Variants in CDH26 observed in about 807,000 individuals in gnomAD.
CDH26 encodes cadherin-like protein 26.
Under a neutral mutation model 90.3 loss-of-function variants are expected in CDH26, and 83 were observed. The ratio of observed to expected loss-of-function variants is 0.92; its 90% CI spans 0.77 to 1.10. The LOEUF (loss-of-function observed/expected upper bound fraction) is 1.10. Among genes scored for constraint, CDH26 ranks in the 50% least tolerant of loss-of-function variants. The pLI is 0.00. For missense variants in CDH26, 1,013 were observed against 1,037.6 expected (o/e 0.98, Z 0.33); for synonymous variants, 397 against 396.3 (o/e 1.00, Z -0.02).
chr20:59,992,573 G>A lies in CDH26; in HGVS notation c.1426+53G>A, dbSNP rs994965726. On this transcript the variant is annotated intron_variant, in intron 10 of 17. Coordinates refer to ENST00000348616, the MANE Select transcript of CDH26 (RefSeq NM_177980.4). This position sits in a 1 kb window ranked among gnomAD's most constrained non-coding sequence, Gnocchi z 5.0. ...TAAAATGCTCATTCTTGCTTCCTGC[G>A]GGAAAATAACCCTGGTGAGCGTCTT... The A allele has an allele frequency of 1.6e-5, 25 of 1,591,104 alleles. No individual in the cohort carries two copies. Among genetic ancestry groups the A allele is most frequent in the African/African-American group, 6.7e-5 (5 of 74,430 alleles).
chr20:60,035,447 G>C (rs1283816087), downstream of CDH26, among the ~76,000 whole-genome samples: 2 of 152,116 alleles, frequency 1.3e-5, no homozygotes, highest in Admixed American at 1.3e-4. Context: ...ACTTAAAAAG[G>C]GTCTGTAATT....
Position 60,001,349 on chromosome 20 carries a change from G to A in CDH26, c.2104G>A (p.Glu702Lys), listed in dbSNP as rs758949641. Residue 702 changes from glutamate (E) to lysine (K), a missense_variant, in exon 15 of 18, where the codon GAG becomes AAG. Coordinates refer to ENST00000348616, the MANE Select transcript of CDH26 (RefSeq NM_177980.4). ...ATCAGCATTTTCCCTCTAGGATCTC[G>A]AGGAAGTGCCTCCATCTGCAGCGAG... ...AGPTQGVKDL[E>K]EVPPSAASQS... The A allele has an allele frequency of 3.7e-6, 6 of 1,613,830 alleles. No homozygotes were observed. The highest frequency in any genetic ancestry group is 4.2e-6 in the Non-Finnish European group (5 of 1,179,998).
intron 2 of CDH26, 92 bp from the exon 3 acceptor site, chr20:59,969,990 A>T: frequency 2.0e-6 from 3 of 1,522,736 alleles, no homozygotes; most frequent in Non-Finnish European, 2.6e-6. Flanking sequence ...AGGTGTCAGC[A>T]CAGGGCCTTT....
rs543548371 is a variant in CDH26 at position 59,964,438 on chromosome 20, GC to G, written c.70-4524del. Among the ~76,000 whole-genome samples the G allele has an allele frequency of 7.4e-3, 1,114 of 149,536 alleles. 19 individuals are homozygous for G. The highest frequency in any genetic ancestry group is 0.026 in the African/African-American group (1,052 of 40,522). On this transcript the variant is annotated intron_variant, in intron 1 of 17. Transcript: ENST00000348616. Reference sequence around the variant, plus strand: ...AACAAGCATCTAGAAAGAACCCCCCGCCCCCGACCCCAGGCCCACACCACCG... The same window carrying G: ...AACAAGCATCTAGAAAGAACCCCCCGCCCCGACCCCAGGCCCACACCACCG...
At chr20:59,997,184 T>C (rs867599790) in intron 13 of CDH26, among the ~76,000 whole-genome samples, 1 of 152,262 alleles carries the variant, frequency 6.6e-6, no homozygotes, top group Admixed American at 6.5e-5. Context: ...TTTTATTAAG[T>C]AGACGTTCCC....
intron 1 of CDH26, among the ~76,000 whole-genome samples, chr20:59,967,385 C>T (rs1360010964): frequency 6.6e-6 from 1 of 152,084 alleles, no homozygotes; most frequent in East Asian, 1.9e-4. Context: ...GACTGTATAA[C>T]AAGAAAAGGT....
chr20:59,967,813 ATTTCTTTCTTTCTTTC>A (rs1204879152), intron 1 of CDH26, among the ~76,000 whole-genome samples: 525 of 44,018 alleles, frequency 0.012, 10 homozygotes, highest in South Asian at 0.023. Flanking sequence ...TCCCTCCCTC[ATTTCTTTCTTTCTTTC>A]TTTCTTTCTT....
At chr20:60,022,675 C>T (rs2061967465) in intron 7 of CDH26, among the ~76,000 whole-genome samples, 1 of 152,202 alleles carries the variant, frequency 6.6e-6, no homozygotes, top group African/African-American at 2.4e-5. Flanking sequence ...TTCCTCTCAT[C>T]AGAGAGTTTT....
chr20:59,967,827 TTCTTTC>T (rs1288364632), intron 1 of CDH26, among the ~76,000 whole-genome samples: 3 of 66,736 alleles, frequency 4.5e-5, no homozygotes, highest in Non-Finnish European at 2.6e-5. Context: ...CTTTCTTTCT[TTCTTTC>T]TTTCTTTCTT....
chr20:59,995,870 A>G lies in CDH26; in HGVS notation c.1704A>G (p.Pro568=), dbSNP rs759210872. 5 of 1,614,128 alleles carry G rather than the reference A, an allele frequency of 3.1e-6. No individual in the cohort carries two copies. The African/African-American group carries it at 6.7e-5, about 22-fold the overall frequency. The change falls in exon 12 of 18, where the codon CCA becomes CCG. Residue 568 remains proline (P), a synonymous_variant. Coordinates refer to ENST00000348616, the MANE Select transcript of CDH26 (RefSeq NM_177980.4). Reference sequence around the variant, plus strand: ...AACTTTTAACCTTGAGAAGCCTGCCACGTGGTAATTACTTGGTGCCACTCT... The same window carrying G: ...AACTTTTAACCTTGAGAAGCCTGCCGCGTGGTAATTACTTGGTGCCACTCT... ...SVELLTLRSL[P]RGNYLVPLFI... is the part of the protein sequence containing the mutation.
rs2061649410 is a variant in CDH26 at position 59,999,634 on chromosome 20, G to A, written c.2068G>A (p.Ala690Thr). ...GQRPALLICT[A>T]AAGPTQGVKD... is the part of the protein sequence containing the mutation. Reference sequence around the variant, plus strand: ...GAGGCCGGCTCTGCTCATCTGCACAGCTGCAGCAGGACCCACGCAGGGAGT... The same window carrying A: ...GAGGCCGGCTCTGCTCATCTGCACAACTGCAGCAGGACCCACGCAGGGAGT... The change falls in exon 14 of 18, where the codon GCT becomes ACT. Residue 690 changes from alanine to threonine, a missense_variant. Physicochemically the swap from Ala to Thr is moderately conservative, Grantham distance 58. Transcript: ENST00000348616. 6.2e-7 allele frequency: 1 copy of A among 1,614,034 alleles called. No homozygotes were observed. Among genetic ancestry groups the A allele is most frequent in the African/African-American group, 1.3e-5 (1 of 74,932 alleles).
chr20:60,002,483 G>A (rs1038319519), intron 15 of CDH26, among the ~76,000 whole-genome samples: 9 of 151,990 alleles, frequency 5.9e-5, no homozygotes, highest in Non-Finnish European at 1.2e-4. Context: ...CTTGCACTGA[G>A]CCCTGAGAGT....
At chr20:59,971,841 A>C in intron 3 of CDH26, 121 bp from the exon 4 acceptor site, 2 of 692,456 alleles carry the variant, frequency 2.9e-6, no homozygotes, top group Non-Finnish European at 2.4e-6. Flanking sequence ...TCTTTGGCAG[A>C]TGTGCCATTG....
At chr20:60,002,039 C>T (rs1017998583) in intron 15 of CDH26, among the ~76,000 whole-genome samples, 2 of 152,036 alleles carry the variant, frequency 1.3e-5, no homozygotes, top group African/African-American at 2.4e-5. Flanking sequence ...TTATTTGGAC[C>T]TCACCAGTTT....
Position 59,985,380 on chromosome 20 carries a change from C to CG in CDH26, c.837+257dup, listed in dbSNP as rs1373198548. On this transcript the variant is annotated intron_variant, in intron 7 of 17. Transcript: ENST00000348616. ...GACGCCTATGATCATGGCGGAAGGA[C>CG]GGGGGGAGCAGGCATGTCACTCGGT... 6.6e-5 allele frequency among the ~76,000 whole-genome samples: 10 copies of CG among 152,042 alleles called. No homozygotes were observed. The South Asian group carries it at 2.1e-3, about 32-fold the overall frequency.
intron 13 of CDH26, among the ~76,000 whole-genome samples, chr20:59,998,228 C>G (rs1434261934): frequency 2.6e-5 from 4 of 152,178 alleles, no homozygotes; most frequent in South Asian, 2.1e-4. Flanking sequence ...GGTTCCCAGT[C>G]CCAGGAGCTG....
At chr20:60,020,585 G>C (rs969988413) in intron 7 of CDH26, among the ~76,000 whole-genome samples, 75 of 152,194 alleles carry the variant, frequency 4.9e-4, no homozygotes, top group African/African-American at 1.8e-3. Context: ...ATGTGGGCTT[G>C]GTGGAATGAA....
intron 1 of CDH26, among the ~76,000 whole-genome samples, chr20:59,961,188 C>T (rs1417581844): frequency 6.6e-6 from 1 of 152,172 alleles, no homozygotes; most frequent in Admixed American, 6.5e-5. Context: ...TTCCCTCACT[C>T]CTGCTCCTAC....
At chr20:60,004,975 G>A (rs2061727448) in intron 16 of CDH26, among the ~76,000 whole-genome samples, 1 of 151,486 alleles carries the variant, frequency 6.6e-6, no homozygotes, top group Non-Finnish European at 1.5e-5. Context: ...TGAACTGTGT[G>A]GGTGCACTTA....
Sources: gnomAD v4.1 joint callset for allele counts (sites outside exome capture counted in the v4.1 genomes callset) on GRCh38, gnomAD v4.1.1 for gene constraint, Gnocchi (gnomAD v3.1) non-coding constraint, MANE v1.5 for transcripts, NCBI Gene and HGNC (gene_info 2026-07-23, HGNC 2026-07-21) for gene names.